The following SH3GL2 variants were observed in gnomAD, a reference collection of about 807,000 sequenced individuals.
SH3GL2 encodes the protein SH3 domain containing GRB2 like 2, endophilin A1.
A neutral mutation model predicts 46.0 loss-of-function variants in SH3GL2; 24 were observed. That is an observed-to-expected ratio of 0.52 (90% confidence interval 0.38 to 0.73). The LOEUF is 0.73. Among genes scored for constraint, SH3GL2 ranks in the 30% least tolerant of loss-of-function variants. The pLI is 0.00. For missense variants in SH3GL2, 413 were observed against 424.2 expected (o/e 0.97, Z 0.23); for synonymous variants, 196 against 147.1 (o/e 1.33, Z -2.40).
chr9:17,757,864 A>G (rs929943687), intron 2 of SH3GL2, among the ~76,000 whole-genome samples: 5 of 152,178 alleles, frequency 3.3e-5, no homozygotes, highest in African/African-American at 1.2e-4. Flanking sequence ...AGGTATATAA[A>G]TAACTCTTCT....
intron 1 of SH3GL2, among the ~76,000 whole-genome samples, chr9:17,718,228 G>A (rs1266140189): frequency 6.6e-6 from 1 of 152,124 alleles, no homozygotes; most frequent in Non-Finnish European, 1.5e-5. Context: ...TCATGGTTTT[G>A]TAGCACTAGT....
chr9:17,712,842 C>G (rs138027184), intron 1 of SH3GL2, among the ~76,000 whole-genome samples: 5,438 of 87,428 alleles, frequency 0.062, 291 homozygotes, highest in African/African-American at 0.18. Context: ...CATCCAACCA[C>G]CCACCCACCC....
chr9:17,768,702 T>A (rs1823389203), intron 3 of SH3GL2, among the ~76,000 whole-genome samples: 1 of 152,178 alleles, frequency 6.6e-6, no homozygotes, highest in African/African-American at 2.4e-5. Flanking sequence ...GGCCCTCATC[T>A]GCCCCTTCTT....
At chr9:17,754,602 G>A (rs916009093) in intron 2 of SH3GL2, among the ~76,000 whole-genome samples, 7 of 152,142 alleles carry the variant, frequency 4.6e-5, no homozygotes, top group Non-Finnish European at 7.3e-5. Context: ...GAACCCAGGA[G>A]GTGGAGCTTG....
At chr9:17,686,913 C>T (rs1820926807) in intron 1 of SH3GL2, among the ~76,000 whole-genome samples, 1 of 141,366 alleles carries the variant, frequency 7.1e-6, no homozygotes, top group Admixed American at 7.3e-5. Context: ...ACAATGTGCA[C>T]ATGTACCCTA....
chr9:17,631,248 C>T (rs1326957987), intron 1 of SH3GL2, among the ~76,000 whole-genome samples: 1 of 152,164 alleles, frequency 6.6e-6, no homozygotes, highest in African/African-American at 2.4e-5. Flanking sequence ...TCTATGTTTT[C>T]TCTCATCCAT....
intron 1 of SH3GL2, among the ~76,000 whole-genome samples, chr9:17,593,623 G>A (rs984133509): frequency 6.6e-6 from 1 of 152,136 alleles, no homozygotes; most frequent in African/African-American, 2.4e-5. Flanking sequence ...TATGGAAATG[G>A]TTGACCTTTT....
chr9:17,737,700 T>C (rs1330314820), intron 1 of SH3GL2, among the ~76,000 whole-genome samples: 1 of 152,126 alleles, frequency 6.6e-6, no homozygotes, highest in African/African-American at 2.4e-5. Context: ...TTTGGTCGTT[T>C]TCGTTGGTTC....
At chr9:17,763,858 C>T (rs947768915) in intron 3 of SH3GL2, among the ~76,000 whole-genome samples, 10 of 152,136 alleles carry the variant, frequency 6.6e-5, no homozygotes, top group Non-Finnish European at 1.5e-4. Flanking sequence ...TCACGTTGCA[C>T]GATCCTGCCT....
chr9:17,730,063 T>A (rs1379770412), intron 1 of SH3GL2, among the ~76,000 whole-genome samples: 1 of 152,118 alleles, frequency 6.6e-6, no homozygotes, highest in Non-Finnish European at 1.5e-5. Context: ...ATATGGCCGT[T>A]TTCATGATAC....
intron 1 of SH3GL2, among the ~76,000 whole-genome samples, chr9:17,651,918 G>C (rs372294531): frequency 6.6e-6 from 1 of 151,932 alleles, no homozygotes; most frequent in Non-Finnish European, 1.5e-5. Flanking sequence ...TGTGAGTCGG[G>C]GATCTTTGCC....
intron 1 of SH3GL2, among the ~76,000 whole-genome samples, chr9:17,628,304 T>C (rs1321591880): frequency 6.6e-6 from 1 of 152,126 alleles, no homozygotes; most frequent in East Asian, 1.9e-4. Flanking sequence ...AATACAATCT[T>C]TTGATTGGCT....
At chr9:17,782,395 G>A (rs1823834835) in intron 3 of SH3GL2, among the ~76,000 whole-genome samples, 1 of 152,166 alleles carries the variant, frequency 6.6e-6, no homozygotes, top group Non-Finnish European at 1.5e-5. Flanking sequence ...AGAAGGAAGT[G>A]CTTCCAAAGA....
At chr9:17,663,882 C>A (rs1458021833) in intron 1 of SH3GL2, among the ~76,000 whole-genome samples, 1 of 152,138 alleles carries the variant, frequency 6.6e-6, no homozygotes, top group Non-Finnish European at 1.5e-5. Context: ...AAAGACTTGT[C>A]ACTTCATGAA....
chr9:17,711,476 C>T (rs1036993576), intron 1 of SH3GL2, among the ~76,000 whole-genome samples: 1 of 151,810 alleles, frequency 6.6e-6, no homozygotes, highest in African/African-American at 2.4e-5. Context: ...CTTGGTAATT[C>T]CTCCATTTCC....
At chr9:17,739,527 T>A (rs1275447651) in intron 1 of SH3GL2, among the ~76,000 whole-genome samples, 1 of 152,160 alleles carries the variant, frequency 6.6e-6, no homozygotes, top group African/African-American at 2.4e-5. Flanking sequence ...ACTATGGAAA[T>A]GTCATCCCTG....
At chr9:17,630,562 G>A (rs919764093) in intron 1 of SH3GL2, 2 of 152,202 alleles carry the variant, frequency 1.3e-5, no homozygotes, top group South Asian at 4.1e-4. Flanking sequence ...AATGTGGTAG[G>A]CGGTTAAAAA....
In SH3GL2 at chr9:17,761,460, T is replaced by C. The variant is rs374471356; in HGVS notation, c.138T>C (p.Ala46=). The change falls in exon 3 of 9, where the codon GCT becomes GCC. Residue 46 remains alanine, a synonymous_variant. Coordinates refer to ENST00000380607, the MANE Select transcript of SH3GL2 (RefSeq NM_003026.5). ...MERKVDVTSR[A]VMEIMTKTIE... is the part of the protein sequence containing the mutation. Reference sequence around the variant, plus strand: ...AGAAAGTGGATGTCACCAGCAGGGCTGTGATGGAAATAATGACTAAAACAA... The same window carrying C: ...AGAAAGTGGATGTCACCAGCAGGGCCGTGATGGAAATAATGACTAAAACAA... 52 of 1,607,984 alleles carry C rather than the reference T, an allele frequency of 3.2e-5. No individual in the cohort carries two copies. In the African/African-American group the frequency reaches 6.1e-4, roughly 19 times the overall value.
rs143811702 is a variant in SH3GL2, at chr9:17,642,518, T to G, written c.45+63231T>G. ...GTTTAAATATTTAATCCATCTTGAG[T>G]TAATTTTTGTATAAGTTGTAAGGAA... On this transcript the variant is annotated intron_variant, in intron 1 of 8. Transcript: ENST00000380607. Among the ~76,000 whole-genome samples, 115 of 152,280 alleles carry G rather than the reference T, an allele frequency of 7.6e-4. 1 individual carries two copies. In the East Asian group the frequency reaches 0.015, roughly 20 times the overall value.
Sources: gnomAD v4.1 joint callset for allele counts (sites outside exome capture counted in the v4.1 genomes callset) on GRCh38, gnomAD v4.1.1 for gene constraint, MANE v1.5 for transcripts, NCBI Gene and HGNC (gene_info 2026-07-23, HGNC 2026-07-21) for gene names.